Variants in CCNY observed in about 807,000 individuals in gnomAD.
The protein encoded by CCNY is cyclin Y, also known as cyclin-Y.
In CCNY, 19 loss-of-function variants were observed where a neutral mutation model predicts 42.8. The observed-to-expected ratio is 0.44, with a 90% CI of 0.31 to 0.65. CCNY has a LOEUF of 0.65. CCNY is among the 30% of genes least tolerant of loss of function. The pLI, the probability that CCNY is intolerant of heterozygous loss-of-function variation, is 0.07. For missense variants in CCNY, 370 were observed against 437.3 expected, an observed-to-expected ratio of 0.85 and a Z score of 1.37; for synonymous variants, 165 against 162.7, an observed-to-expected ratio of 1.01 and a Z score of -0.11.
At position 35,494,237 on chromosome 10, in the gene CCNY, C is replaced by CG. The variant is rs917092653; in HGVS notation, c.230-7264_230-7263insG. Among the ~76,000 whole-genome samples the CG allele has an allele frequency of 1.9e-4, 27 of 139,158 alleles. 2 individuals carry two copies. In the South Asian group the frequency reaches 6.6e-3, roughly 34 times the overall value. 91.3% of individuals were successfully genotyped at this position (139,158 alleles called of 152,430 possible). On this transcript the variant is annotated intron_variant, in intron 2 of 9. Transcript: ENST00000374704. ...CCAGCCTGGACAGCATAGTGAGACC[C>CG]CCCCCCCCATTTCTACAAAAAAATA...
chr10:35,491,706 C>T (rs977965995), intron 2 of CCNY, among the ~76,000 whole-genome samples: 3 of 152,040 alleles, frequency 2.0e-5, no homozygotes, highest in East Asian at 1.9e-4. Context: ...CTCTGCCTCC[C>T]GGGTTCACAC....
chr10:35,475,735 G>A (rs1294564404), intron 1 of CCNY, among the ~76,000 whole-genome samples: 26 of 149,690 alleles, frequency 1.7e-4, no homozygotes, highest in Non-Finnish European at 3.5e-4. Flanking sequence ...ATCAACTAAC[G>A]AGCAAAATAA....
intron 1 of CCNY, among the ~76,000 whole-genome samples, chr10:35,382,212 C>T (rs1031057729): frequency 6.6e-6 from 1 of 152,190 alleles, no homozygotes; most frequent in African/African-American, 2.4e-5. Flanking sequence ...TTACACAGGG[C>T]ATTACTTGTA....
At chr10:35,561,672 C>T (rs537310146) in intron 8 of CCNY, among the ~76,000 whole-genome samples, 1 of 152,294 alleles carries the variant, frequency 6.6e-6, no homozygotes, top group South Asian at 2.1e-4. Context: ...CTGAAGTGAC[C>T]TTCCTGGTAT....
intron 9 of CCNY, among the ~76,000 whole-genome samples, chr10:35,566,568 C>T (rs1841576819): frequency 2.0e-5 from 3 of 152,178 alleles, no homozygotes; most frequent in East Asian, 1.9e-4. Context: ...GTCTCAAACT[C>T]CTGACCTCAG....
At chr10:35,523,551 G>C (rs1052632756) in intron 4 of CCNY, among the ~76,000 whole-genome samples, 2 of 152,148 alleles carry the variant, frequency 1.3e-5, no homozygotes, top group Non-Finnish European at 2.9e-5. Context: ...ACCTTGAGTG[G>C]AAATTGGCCT....
At chr10:35,314,296 A>C (rs1835726657) in intron 3 of CCNY, among the ~76,000 whole-genome samples, 5 of 152,170 alleles carry the variant, frequency 3.3e-5, no homozygotes, top group Non-Finnish European at 1.5e-5. Flanking sequence ...CTTCACAATC[A>C]TGGTGGAAGG....
chr10:35,274,922 T>C (rs1022702796), intron 3 of CCNY, among the ~76,000 whole-genome samples: 8 of 152,116 alleles, frequency 5.3e-5, no homozygotes, highest in Admixed American at 2.0e-4. Flanking sequence ...TCACCTGCTG[T>C]GATCCCCCTG....
At chr10:35,509,877 C>G (rs1331921363) in intron 3 of CCNY, among the ~76,000 whole-genome samples, 1 of 152,208 alleles carries the variant, frequency 6.6e-6, no homozygotes, top group Non-Finnish European at 1.5e-5. Context: ...AAAGACAGTT[C>G]TGCAAAATGA....
chr10:35,567,069 T>G (rs1339258763), intron 9 of CCNY, among the ~76,000 whole-genome samples: 1 of 152,236 alleles, frequency 6.6e-6, no homozygotes, highest in Non-Finnish European at 1.5e-5. Context: ...AAGAAAATTA[T>G]GTCCCCCCAA....
intron 3 of CCNY, among the ~76,000 whole-genome samples, chr10:35,296,156 A>G (rs1232102695): frequency 6.6e-6 from 1 of 152,248 alleles, no homozygotes; most frequent in African/African-American, 2.4e-5. Flanking sequence ...ATCTAGCAGA[A>G]GACCAGAAAT....
chr10:35,351,000 C>G (rs1003061356), intron 1 of CCNY, among the ~76,000 whole-genome samples: 1 of 152,128 alleles, frequency 6.6e-6, no homozygotes, highest in African/African-American at 2.4e-5. Context: ...ATTGAAGGTG[C>G]CTTCCAAAAG....
intron 1 of CCNY, among the ~76,000 whole-genome samples, chr10:35,369,226 T>G (rs1420467973): frequency 6.6e-6 from 1 of 152,106 alleles, no homozygotes; most frequent in African/African-American, 2.4e-5. Flanking sequence ...TCCACTCCTG[T>G]GTGAGCATCA....
chr10:35,520,574 G>A lies in CCNY; in HGVS notation c.365+3951G>A, dbSNP rs541032217. On this transcript the variant is annotated intron_variant, in intron 4 of 9. Transcript: ENST00000374704. ...AAGAATGCCCTAGGTTCTAAACAGC[G>A]ATTTATAAGCTGATTTTTGGAAAAT... 7.2e-5 allele frequency among the ~76,000 whole-genome samples: 11 copies of A among 152,172 alleles called. No individual in the cohort carries two copies. The South Asian group carries it at 1.5e-3, about 20-fold the overall frequency.
At chr10:35,531,159 C>A (rs1377285605) in intron 7 of CCNY, among the ~76,000 whole-genome samples, 1 of 152,184 alleles carries the variant, frequency 6.6e-6, no homozygotes, top group African/African-American at 2.4e-5. Flanking sequence ...CAATGGAACC[C>A]TTTTTGTCAC....
intron 3 of CCNY, among the ~76,000 whole-genome samples, chr10:35,313,035 T>C (rs1254999308): frequency 2.0e-5 from 3 of 152,124 alleles, no homozygotes; most frequent in Non-Finnish European, 2.9e-5. Flanking sequence ...GTCTTAGCTG[T>C]CTCTTTGCTT....
At chr10:35,326,989 T>C (rs1216749498) in intron 3 of CCNY, among the ~76,000 whole-genome samples, 3 of 152,220 alleles carry the variant, frequency 2.0e-5, no homozygotes, top group African/African-American at 7.2e-5. Context: ...CTGGATTTTG[T>C]TCTAACGTGG....
chr10:35,427,078 T>G (rs552881909), intron 1 of CCNY, among the ~76,000 whole-genome samples: 2 of 152,344 alleles, frequency 1.3e-5, no homozygotes, highest in East Asian at 3.9e-4. Flanking sequence ...CTTTTAATAT[T>G]TGGGGGCTTT....
intron 1 of CCNY, among the ~76,000 whole-genome samples, chr10:35,339,448 C>T (rs1564373744): frequency 1.3e-5 from 2 of 152,126 alleles, no homozygotes; most frequent in East Asian, 1.9e-4. Context: ...CTATATACAT[C>T]TATATGTCTG....
Sources: gnomAD v4.1 joint callset for allele counts (sites outside exome capture counted in the v4.1 genomes callset) on GRCh38, gnomAD v4.1.1 for gene constraint, MANE v1.5 for transcripts, NCBI Gene and HGNC (gene_info 2026-07-23, HGNC 2026-07-21) for gene names.